SH3RF2: variants seen among roughly 807,000 people sequenced by gnomAD.
SH3RF2 encodes E3 ubiquitin-protein ligase SH3RF2.
Under a neutral mutation model 59.0 loss-of-function variants are expected in SH3RF2, and 43 were observed. That is an observed-to-expected ratio of 0.73 (90% CI 0.57 to 0.94). The LOEUF (loss-of-function observed/expected upper bound fraction) is 0.94, where lower values mean the gene tolerates loss of function less well. Ranked by LOEUF, SH3RF2 falls within the 40% of genes least tolerant of loss-of-function variation. The pLI, the probability that SH3RF2 is intolerant of heterozygous loss-of-function variation, is 0.00. For synonymous variants in SH3RF2, 391 were observed against 391.5 expected (o/e 1.00, Z 0.01); for missense variants, 930 against 940.1 (o/e 0.99, Z 0.14).
At chr5:146,055,895 G>C (rs1309947424) in intron 7 of SH3RF2, 86 bp from the exon 8 acceptor site, 1 of 1,425,712 alleles carries the variant, frequency 7.0e-7, no homozygotes, top group Non-Finnish European at 9.5e-7. Context: ...ATGTGGTTGG[G>C]AGCTGATAGG....
At chr5:145,998,361 A>G (rs1266868906) in intron 2 of SH3RF2, among the ~76,000 whole-genome samples, 1 of 151,912 alleles carries the variant, frequency 6.6e-6, no homozygotes, top group Non-Finnish European at 1.5e-5. Context: ...AGACATACAT[A>G]TTTATATGTA....
chr5:146,072,441 G>C (rs938506404), intron 9 of SH3RF2, among the ~76,000 whole-genome samples: 3 of 152,192 alleles, frequency 2.0e-5, no homozygotes, highest in Non-Finnish European at 4.4e-5. Context: ...GGGAGGCTGA[G>C]GCAGGCGGAT....
chr5:145,962,918 G>A (rs1284355477), intron 2 of SH3RF2, among the ~76,000 whole-genome samples: 2 of 112,160 alleles, frequency 1.8e-5, no homozygotes, highest in Non-Finnish European at 3.3e-5. Flanking sequence ...TTTTTTTAGA[G>A]ACGGAGTCTC....
intron 2 of SH3RF2, among the ~76,000 whole-genome samples, chr5:145,960,544 T>C (rs937610542): frequency 6.6e-5 from 10 of 152,204 alleles, no homozygotes; most frequent in African/African-American, 2.4e-4. Context: ...CCTTTGTATC[T>C]AATACTGACA....
rs563595406 is a variant in SH3RF2 at position 145,937,791 on chromosome 5, T to G, written c.-106-32T>G. The G allele has an allele frequency of 8.0e-6, 8 of 1,004,500 alleles. No individual in the cohort carries two copies. The Admixed American group carries it at 1.8e-4, about 23-fold the overall frequency. The allele number at this position is 1,004,500 out of a possible 1,614,324, so 62.2% of individuals were successfully genotyped here. A position where few individuals can be genotyped will look rare whatever the true frequency, so the allele number is the denominator to read the frequency against. The stretch of plus-strand genomic sequence containing the variant: ...GATATACCTCTCGGAGCAGTCACAT[T>G]TTTTTTTCTCTCCTCTCCCTCCTTC... On this transcript the variant is annotated intron_variant, in intron 1 of 9. Coordinates refer to ENST00000359120, the MANE Select transcript of SH3RF2 (RefSeq NM_152550.4).
At chr5:146,010,976 T>A (rs1053710058) in intron 4 of SH3RF2, among the ~76,000 whole-genome samples, 17 of 152,076 alleles carry the variant, frequency 1.1e-4, no homozygotes, top group African/African-American at 3.1e-4. Flanking sequence ...CTGAATGGTA[T>A]TGCCTAGGTT....
chr5:146,012,975 CTTTT>C (rs368721283), intron 4 of SH3RF2, among the ~76,000 whole-genome samples: 3 of 148,884 alleles, frequency 2.0e-5, no homozygotes, highest in South Asian at 2.1e-4. Context: ...TTTCTTGTTA[CTTTT>C]TTTTTTGACA....
chr5:145,947,078 T>C (rs1758027244), intron 2 of SH3RF2, among the ~76,000 whole-genome samples: 1 of 151,680 alleles, frequency 6.6e-6, no homozygotes, highest in Admixed American at 6.6e-5. Flanking sequence ...CCACTATCCA[T>C]CTTCAGAACT....
intron 2 of SH3RF2, among the ~76,000 whole-genome samples, chr5:145,986,396 C>G (rs1211783275): frequency 2.0e-5 from 3 of 152,064 alleles, no homozygotes; most frequent in African/African-American, 7.2e-5. Context: ...GTTTCTCAAA[C>G]CATATGGAAA....
At chr5:146,031,317 G>A (rs1355553678) in intron 5 of SH3RF2, among the ~76,000 whole-genome samples, 2 of 152,208 alleles carry the variant, frequency 1.3e-5, no homozygotes, top group Non-Finnish European at 2.9e-5. Context: ...GTTGAGCCTG[G>A]CATGAAGAGA....
chr5:146,039,059 G>A (rs574076106), intron 5 of SH3RF2, among the ~76,000 whole-genome samples: 13 of 152,326 alleles, frequency 8.5e-5, no homozygotes, highest in African/African-American at 2.6e-4. Flanking sequence ...CAGATCAGAA[G>A]GGAAGGATGA....
chr5:146,035,640 T>C (rs1053969242), intron 5 of SH3RF2, among the ~76,000 whole-genome samples: 1 of 152,204 alleles, frequency 6.6e-6, no homozygotes, highest in Non-Finnish European at 1.5e-5. Flanking sequence ...CTTTCCCTCA[T>C]CCACCTCTCC....
intron 2 of SH3RF2, among the ~76,000 whole-genome samples, chr5:145,974,062 G>A (rs1759190397): frequency 6.6e-6 from 1 of 152,208 alleles, no homozygotes; most frequent in Non-Finnish European, 1.5e-5. Flanking sequence ...CTCGACTGAG[G>A]AAGGGTTCAC....
At chr5:145,998,635 G>T (rs1051748369) in intron 2 of SH3RF2, among the ~76,000 whole-genome samples, 1 of 152,120 alleles carries the variant, frequency 6.6e-6, no homozygotes, top group Non-Finnish European at 1.5e-5. Flanking sequence ...AGTTGTATTT[G>T]GCTGGGCATG....
intron 2 of SH3RF2, among the ~76,000 whole-genome samples, chr5:145,969,464 G>A (rs1758987397): frequency 6.6e-6 from 1 of 152,160 alleles, no homozygotes; most frequent in African/African-American, 2.4e-5. Context: ...AGATACCCCT[G>A]CATCACTGAG....
intron 2 of SH3RF2, among the ~76,000 whole-genome samples, chr5:145,962,516 T>C (rs974862743): frequency 6.6e-6 from 1 of 152,220 alleles, no homozygotes; most frequent in Non-Finnish European, 1.5e-5. Flanking sequence ...CAGTTATTAG[T>C]GTTGGGCTCA....
chr5:146,012,303 G>A (rs1760934908), intron 4 of SH3RF2, among the ~76,000 whole-genome samples: 1 of 152,278 alleles, frequency 6.6e-6, no homozygotes, highest in East Asian at 1.9e-4. Context: ...ATGTTCATCA[G>A]GGATATTGGT....
chr5:145,991,280 C>T (rs774187242), intron 2 of SH3RF2, among the ~76,000 whole-genome samples: 2 of 152,144 alleles, frequency 1.3e-5, no homozygotes, highest in South Asian at 2.1e-4. Context: ...GTTTCCTCAT[C>T]ATAAAATAGG....
chr5:145,976,710 A>C (rs949122152), intron 2 of SH3RF2, among the ~76,000 whole-genome samples: 1 of 152,238 alleles, frequency 6.6e-6, no homozygotes, highest in East Asian at 1.9e-4. Context: ...CCACTGTCAC[A>C]TAGTTAGCCC....
Sources: allele counts gnomAD v4.1 joint callset (sites outside exome capture counted in the v4.1 genomes callset), GRCh38; gene constraint gnomAD v4.1.1; transcripts MANE v1.5; gene names NCBI Gene and HGNC (gene_info 2026-07-23, HGNC 2026-07-21).